Variants in CACNA2D1 observed in about 807,000 individuals in gnomAD.
The protein encoded by CACNA2D1 is voltage-dependent calcium channel subunit alpha-2/delta-1.
CACNA2D1 carries 53 observed loss-of-function variants against 171.5 expected under a neutral mutation model. The observed-to-expected ratio is 0.31, with a 90% CI of 0.25 to 0.39. The LOEUF (loss-of-function observed/expected upper bound fraction) is 0.39. CACNA2D1 is among the 10% of genes least tolerant of loss of function. CACNA2D1 has a pLI of 1.00. For synonymous variants in CACNA2D1, 442 were observed against 443.1 expected, an observed-to-expected ratio of 1.00 and a Z score of 0.03; for missense variants, 903 against 1,299.8, an observed-to-expected ratio of 0.69 and a Z score of 4.69.
At chr7:81,959,442 T>C in intron 37 of CACNA2D1, 85 bp from the exon 38 acceptor site, 1 of 940,402 alleles carries the variant, frequency 1.1e-6, no homozygotes, top group Non-Finnish European at 1.7e-6. Flanking sequence ...TCCCAAAACA[T>C]GTGAGAGAGA....
Position 82,071,113 on chromosome 7 carries a change from C to T in CACNA2D1, c.659-4589G>A, listed in dbSNP as rs1033522096. On this transcript the variant is annotated intron_variant, in intron 7 of 38. Transcript: ENST00000356860. The stretch of plus-strand genomic sequence containing the variant: ...CTAACGAAACCACAAACCTGATCTG[C>T]GGCAATGCTGTAGTTGAACCCTAAA... Among the ~76,000 whole-genome samples the T allele has an allele frequency of 3.9e-5, 6 of 152,236 alleles. No homozygotes were observed. In the East Asian group the frequency reaches 9.7e-4, roughly 25 times the overall value.
intron 30 of CACNA2D1, 70 bp downstream of exon 30, chr7:81,967,526 C>A: frequency 2.5e-6 from 2 of 814,570 alleles, no homozygotes; most frequent in Non-Finnish European, 4.2e-6. Flanking sequence ...TGTATAAGGA[C>A]CTTATATTTT....
chr7:82,190,770 C>T (rs1203656396), intron 3 of CACNA2D1, among the ~76,000 whole-genome samples: 1 of 151,440 alleles, frequency 6.6e-6, no homozygotes, highest in Non-Finnish European at 1.5e-5. Flanking sequence ...TTGTTAGAGA[C>T]TGGAAGGGAT....
Position 81,991,197 on chromosome 7 carries a change from C to T in CACNA2D1, c.1784G>A (p.Gly595Asp), listed in dbSNP as rs1797507500. 3 of 1,489,116 alleles carry T rather than the reference C, an allele frequency of 2.0e-6. No homozygotes were observed. Among genetic ancestry groups the T allele is most frequent in the Non-Finnish European group, 2.8e-6 (3 of 1,066,550 alleles). 92.2% of individuals were successfully genotyped at this position (1,489,116 alleles called of 1,614,324 possible). A position where few individuals can be genotyped will look rare whatever the true frequency, so the allele number is the denominator to read the frequency against. ...NRTYTWTPVN[G>D]TDYSLALVLP... ...TACAGTTAATTACCTGTAATCTGTGCCATTGACAGGTGTCCATGTGTATGT... is the reference window on the plus strand; with the variant it reads ...TACAGTTAATTACCTGTAATCTGTGTCATTGACAGGTGTCCATGTGTATGT... The change falls in exon 21 of 39, where the codon GGC becomes GAC. Residue 595 changes from glycine (G) to aspartate (D), a missense_variant. Gly to Asp is a moderately conservative substitution (Grantham distance 94, BLOSUM62 -1). Coordinates refer to ENST00000356860, the MANE Select transcript of CACNA2D1 (RefSeq NM_000722.4).
intron 1 of CACNA2D1, among the ~76,000 whole-genome samples, chr7:82,402,653 G>A (rs1048186461): frequency 3.6e-5 from 5 of 137,462 alleles, no homozygotes; most frequent in African/African-American, 8.1e-5. Flanking sequence ...GGAGGTTGCA[G>A]TGAGCCCAGA....
intron 12 of CACNA2D1, among the ~76,000 whole-genome samples, chr7:82,030,387 T>C (rs546164839): frequency 1.7e-4 from 26 of 149,810 alleles, no homozygotes; most frequent in African/African-American, 6.2e-4. Flanking sequence ...ATCCTGGATG[T>C]ATAGAGAATT....
rs138536667 is a variant in CACNA2D1 at position 82,164,067 on chromosome 7, T to A, written c.354+6483A>T. ...AAAATCTGAAGTAGATTTGCACAACTCCAAGACTGAGGCGCCATGACTATA... is the reference window on the plus strand; with the variant it reads ...AAAATCTGAAGTAGATTTGCACAACACCAAGACTGAGGCGCCATGACTATA... On this transcript the variant is annotated intron_variant, in intron 4 of 38. Coordinates refer to ENST00000356860, the MANE Select transcript of CACNA2D1 (RefSeq NM_000722.4). Among the ~76,000 whole-genome samples the A allele has an allele frequency of 2.8e-3, 430 of 152,020 alleles. 2 individuals are homozygous for A. The highest frequency in any genetic ancestry group is 8.9e-3 in the African/African-American group (370 of 41,518).
At chr7:82,153,032 C>T (rs1345584663) in intron 4 of CACNA2D1, among the ~76,000 whole-genome samples, 2 of 150,640 alleles carry the variant, frequency 1.3e-5, no homozygotes, top group Non-Finnish European at 3.0e-5. Flanking sequence ...GTGAACTGAT[C>T]AGCCAGGCAG....
chr7:82,198,177 A>G, intron 3 of CACNA2D1, among the ~76,000 whole-genome samples: 1 of 152,120 alleles, frequency 6.6e-6, no homozygotes, highest in Non-Finnish European at 1.5e-5. Flanking sequence ...ATAATATTTG[A>G]TCAGCACAAC....
intron 4 of CACNA2D1, among the ~76,000 whole-genome samples, chr7:82,138,440 G>GT (rs1423711232): frequency 2.0e-4 from 19 of 95,348 alleles, no homozygotes; most frequent in Non-Finnish European, 3.5e-4. Flanking sequence ...TGTTTTTTTT[G>GT]TTTTTTTTGT....
intron 37 of CACNA2D1, 91 bp downstream of exon 37, chr7:81,959,629 G>A: frequency 7.3e-7 from 1 of 1,367,412 alleles, no homozygotes; most frequent in South Asian, 1.2e-5. Flanking sequence ...CAGTCTAATA[G>A]TTTTCTCTTT....
intron 1 of CACNA2D1, among the ~76,000 whole-genome samples, chr7:82,359,182 T>C (rs1820803088): frequency 6.6e-6 from 1 of 152,210 alleles, no homozygotes; most frequent in Non-Finnish European, 1.5e-5. Context: ...AAATTCTAAT[T>C]GCTCATTACA....
At chr7:82,376,832 C>T (rs1823067840) in intron 1 of CACNA2D1, among the ~76,000 whole-genome samples, 1 of 152,006 alleles carries the variant, frequency 6.6e-6, no homozygotes, top group South Asian at 2.1e-4. Context: ...ATCTTTTAGG[C>T]GATGGAGGAA....
At chr7:82,390,202 T>C (rs1824935940) in intron 1 of CACNA2D1, among the ~76,000 whole-genome samples, 1 of 152,194 alleles carries the variant, frequency 6.6e-6, no homozygotes, top group African/African-American at 2.4e-5. Context: ...AATTCCTTTC[T>C]AAGGTCTTAA....
intron 3 of CACNA2D1, among the ~76,000 whole-genome samples, chr7:82,314,979 T>C (rs188572389): frequency 0.01 from 1,244 of 122,516 alleles, 18 homozygotes; most frequent in African/African-American, 0.034. Flanking sequence ...TATTATCTTT[T>C]TTTTTTTTTT....
intron 3 of CACNA2D1, among the ~76,000 whole-genome samples, chr7:82,282,701 A>AGG (rs1810270066): frequency 9.2e-6 from 1 of 108,572 alleles, no homozygotes; most frequent in African/African-American, 4.4e-5. Flanking sequence ...AAATTGTAAA[A>AGG]TGTGGGGGGG....
At chr7:82,213,408 C>A (rs1308052826) in intron 3 of CACNA2D1, among the ~76,000 whole-genome samples, 1 of 152,116 alleles carries the variant, frequency 6.6e-6, no homozygotes, top group Non-Finnish European at 1.5e-5. Flanking sequence ...TAAGGTCAGA[C>A]AAGGTCATAA....
At chr7:82,208,258 A>G (rs1329932107) in intron 3 of CACNA2D1, among the ~76,000 whole-genome samples, 1 of 152,170 alleles carries the variant, frequency 6.6e-6, no homozygotes, top group Non-Finnish European at 1.5e-5. Context: ...ATGTATGTAA[A>G]TAATATACAT....
chr7:82,150,325 T>TCC (rs147202376), intron 4 of CACNA2D1, among the ~76,000 whole-genome samples: 2 of 142,544 alleles, frequency 1.4e-5, no homozygotes, highest in East Asian at 2.0e-4. Context: ...ACTTTTTTTT[T>TCC]CCCCCCAGTA....
Sources: gnomAD v4.1 joint callset for allele counts (sites outside exome capture counted in the v4.1 genomes callset) on GRCh38, gnomAD v4.1.1 for gene constraint, MANE v1.5 for transcripts, NCBI Gene and HGNC (gene_info 2026-07-23, HGNC 2026-07-21) for gene names.